The following RNF144A variants were observed in gnomAD, a reference collection of about 807,000 sequenced individuals.
RNF144A encodes the protein E3 ubiquitin-protein ligase RNF144A.
In RNF144A, 11 loss-of-function variants were observed where a neutral mutation model predicts 38.7. The ratio of observed to expected loss-of-function variants is 0.28; its 90% confidence interval spans 0.18 to 0.47. The LOEUF (loss-of-function observed/expected upper bound fraction) is 0.47, where lower values mean the gene tolerates loss of function less well. Among genes scored for constraint, RNF144A ranks in the 20% least tolerant of loss-of-function variants. The pLI, the probability that RNF144A is intolerant of heterozygous loss-of-function variation, is 0.99. For missense variants in RNF144A, 316 were observed against 377.2 expected, an observed-to-expected ratio of 0.84 and a Z score of 1.34; for synonymous variants, 149 against 143.9, an observed-to-expected ratio of 1.04 and a Z score of -0.25.
chr2:6,939,266 TC>T (rs1665811721), intron 1 of RNF144A, among the ~76,000 whole-genome samples: 1 of 152,238 alleles, frequency 6.6e-6, no homozygotes, highest in Non-Finnish European at 1.5e-5. Context: ...GTCCTTCGAT[TC>T]TAGCCATCCT....
At chr2:6,979,435 C>T (rs1668498600) in intron 2 of RNF144A, among the ~76,000 whole-genome samples, 1 of 152,176 alleles carries the variant, frequency 6.6e-6, no homozygotes, top group Non-Finnish European at 1.5e-5. Flanking sequence ...AATGGTCTGT[C>T]ATTGCCATTG....
intron 3 of RNF144A, among the ~76,000 whole-genome samples, chr2:7,001,128 C>G (rs925153563): frequency 1.3e-5 from 2 of 151,648 alleles, no homozygotes; most frequent in Admixed American, 6.6e-5. Flanking sequence ...GTTGAAACCC[C>G]GTCTCTACTA....
intron 2 of RNF144A, among the ~76,000 whole-genome samples, chr2:6,953,415 G>A (rs1341768482): frequency 6.6e-6 from 1 of 152,156 alleles, no homozygotes; most frequent in African/African-American, 2.4e-5. Context: ...GGAAACAAGA[G>A]CAAAACTGCG....
intron 8 of RNF144A, among the ~76,000 whole-genome samples, chr2:7,035,592 G>T (rs1219445145): frequency 2.0e-5 from 3 of 152,184 alleles, no homozygotes; most frequent in Non-Finnish European, 2.9e-5. Flanking sequence ...TCACATAGGG[G>T]CTTGCTCCAC....
intron 1 of RNF144A, among the ~76,000 whole-genome samples, chr2:6,919,266 T>C (rs1664375004): frequency 6.6e-6 from 1 of 152,172 alleles, no homozygotes; most frequent in Non-Finnish European, 1.5e-5. Context: ...GGACAAGGTG[T>C]GTGACACCGT....
intron 3 of RNF144A, among the ~76,000 whole-genome samples, chr2:6,999,820 A>G: frequency 6.6e-6 from 1 of 152,220 alleles, no homozygotes; most frequent in Middle Eastern, 3.2e-3. Flanking sequence ...CTCTCCCTAA[A>G]TGTCTTCTGA....
At chr2:7,066,372 C>T (rs1322363788) in intron 6 of RNF144A, among the ~76,000 whole-genome samples, 1 of 152,192 alleles carries the variant, frequency 6.6e-6, no homozygotes, top group Non-Finnish European at 1.5e-5. Context: ...CAGGCGTCAG[C>T]CACCATGCCC....
intron 1 of RNF144A, chr2:6,933,054 C>T (rs1665302958): frequency 6.6e-6 from 1 of 152,266 alleles, no homozygotes; most frequent in Non-Finnish European, 1.5e-5. Flanking sequence ...TGAAAACCTC[C>T]ACTTATAGCG....
Position 6,959,885 on chromosome 2 carries a change from C to T in RNF144A, c.-12+18738C>T, listed in dbSNP as rs548100245. ...TAGCACTGGAGCAGCAAGTGAAGTT[C>T]CCAATTCCCCTGGATTCCCCGGGAC... On this transcript the variant is annotated intron_variant, in intron 2 of 8. Transcript: ENST00000320892. Among the ~76,000 whole-genome samples, 13 of 152,296 alleles carry T rather than the reference C, an allele frequency of 8.5e-5. No individual in the cohort carries two copies. The South Asian group carries it at 2.5e-3, about 29-fold the overall frequency.
chr2:7,073,250 TCTC>T (rs1365328531), downstream of RNF144A, among the ~76,000 whole-genome samples: 1 of 152,122 alleles, frequency 6.6e-6, no homozygotes, highest in Non-Finnish European at 1.5e-5. Flanking sequence ...CCTTTCTCAG[TCTC>T]CTCCTCACCC....
chr2:6,982,594 C>T (rs562786039), intron 2 of RNF144A, among the ~76,000 whole-genome samples: 1 of 152,130 alleles, frequency 6.6e-6, no homozygotes, highest in Non-Finnish European at 1.5e-5. Context: ...GAAAAAACAA[C>T]AAACACATAA....
chr2:7,025,312 G>A (rs986718758), intron 7 of RNF144A, among the ~76,000 whole-genome samples: 3 of 152,206 alleles, frequency 2.0e-5, no homozygotes, highest in East Asian at 1.9e-4. Context: ...TAGGGCGTGG[G>A]CATCTTGCCA....
intron 7 of RNF144A, 99 bp from the exon 8 acceptor site, chr2:7,030,027 A>C: frequency 1.4e-6 from 1 of 727,020 alleles, no homozygotes; most frequent in Admixed American, 2.0e-5. Context: ...GTCTCCACTT[A>C]TCATGAGCAT....
chr2:6,942,567 T>C (rs1294650954), intron 2 of RNF144A, among the ~76,000 whole-genome samples: 1 of 152,038 alleles, frequency 6.6e-6, no homozygotes, highest in African/African-American at 2.4e-5. Context: ...TCCAGAGTGG[T>C]TGTGAATATG....
chr2:6,977,474 C>A (rs1346895189), intron 2 of RNF144A, among the ~76,000 whole-genome samples: 3 of 152,260 alleles, frequency 2.0e-5, no homozygotes, highest in Non-Finnish European at 2.9e-5. Context: ...AATTTCACTG[C>A]AGAGAGGATC....
rs541067831 is a variant in RNF144A, at chr2:6,923,946, T to C, written c.-212+6324T>C. On this transcript the variant is annotated intron_variant, in intron 1 of 8. Coordinates refer to ENST00000320892, the MANE Select transcript of RNF144A (RefSeq NM_014746.6). ...TTTTACATTCTCTCAGTGCCTATCA[T>C]GCTCTTTCTGAATGGATTTTTGTTA... Among the ~76,000 whole-genome samples, 7 of 152,368 alleles carry C rather than the reference T, an allele frequency of 4.6e-5. No individual in the cohort carries two copies. The South Asian group carries it at 1.5e-3, about 32-fold the overall frequency.
chr2:6,926,041 G>A (rs1664844724), intron 1 of RNF144A, among the ~76,000 whole-genome samples: 1 of 152,222 alleles, frequency 6.6e-6, no homozygotes. Flanking sequence ...TAATAGCAAG[G>A]CACTGAAGGT....
At position 7,040,962 on chromosome 2, in the gene RNF144A, A is replaced by G. The variant is rs1421602960; in HGVS notation, c.*1202A>G. 2.4e-5 allele frequency: 24 copies of G among 985,290 alleles called. No individual in the cohort carries two copies. The highest frequency in any genetic ancestry group is 5.2e-5 in the African/African-American group (3 of 57,244). 61.0% of individuals were successfully genotyped at this position (985,290 alleles called of 1,614,324 possible). Reference sequence around the variant, plus strand: ...TACAGGGCTGTCTGTGACCATTTCCATGGCAGCAGGATGCAGGGATTAATA... The same window carrying G: ...TACAGGGCTGTCTGTGACCATTTCCGTGGCAGCAGGATGCAGGGATTAATA... On this transcript the variant is annotated 3_prime_UTR_variant, in exon 9 of 9. Transcript: ENST00000320892.
chr2:7,045,950 A>G (rs1000364726), downstream of RNF144A, among the ~76,000 whole-genome samples: 2 of 152,226 alleles, frequency 1.3e-5, no homozygotes, highest in Non-Finnish European at 2.9e-5. Flanking sequence ...AGCAAAATAA[A>G]TCCATATTTC....
Sources: gnomAD v4.1 joint callset for allele counts (sites outside exome capture counted in the v4.1 genomes callset) on GRCh38, gnomAD v4.1.1 for gene constraint, MANE v1.5 for transcripts, NCBI Gene and HGNC (gene_info 2026-07-23, HGNC 2026-07-21) for gene names.